Variants in NAALADL2 observed in about 807,000 individuals in gnomAD.
NAALADL2 encodes the protein inactive N-acetylated-alpha-linked acidic dipeptidase-like protein 2.
A neutral mutation model predicts 87.2 loss-of-function variants in NAALADL2; 76 were observed. That is an observed-to-expected ratio of 0.87 (90% CI 0.72 to 1.05). NAALADL2 has a LOEUF of 1.05. NAALADL2 is among the 50% of genes least tolerant of loss of function. The probability of loss-of-function intolerance (pLI) is 0.00; values close to 1 mark genes in which losing one functional copy is unlikely to be tolerated. For synonymous variants in NAALADL2, 354 were observed against 331.0 expected (o/e 1.07, Z -0.75); for missense variants, 1,089 against 945.8 (o/e 1.15, Z -1.99).
At chr3:174,900,384 T>C (rs1732165717) in intron 1 of NAALADL2, among the ~76,000 whole-genome samples, 1 of 152,038 alleles carries the variant, frequency 6.6e-6, no homozygotes, top group African/African-American at 2.4e-5. Context: ...AAACAGCATG[T>C]TTGCCTGTCA....
intron 13 of NAALADL2, among the ~76,000 whole-genome samples, chr3:175,787,344 C>T (rs548614799): frequency 6.6e-6 from 1 of 152,276 alleles, no homozygotes; most frequent in African/African-American, 2.4e-5. Flanking sequence ...TCTCAGACTG[C>T]TGTGCTAGCA....
chr3:174,516,149 A>G (rs185674439), intron 1 of NAALADL2, among the ~76,000 whole-genome samples: 32 of 152,172 alleles, frequency 2.1e-4, no homozygotes, highest in Non-Finnish European at 4.3e-4. Flanking sequence ...GTGGAGTTGT[A>G]AATGTTGTGT....
At chr3:175,186,663 G>A (rs1035591526) in intron 2 of NAALADL2, among the ~76,000 whole-genome samples, 9 of 152,170 alleles carry the variant, frequency 5.9e-5, no homozygotes, top group African/African-American at 2.2e-4. Context: ...GCAGAAAACT[G>A]TCTGGCAAAA....
intron 1 of NAALADL2, among the ~76,000 whole-genome samples, chr3:174,461,599 G>C (rs28515772): frequency 0.46 from 69,989 of 151,794 alleles, 17,677 homozygotes; most frequent in East Asian, 0.88. Flanking sequence ...CTTTCCTTTT[G>C]TCAACATTCG....
At chr3:174,545,746 C>T (rs1386209468) in intron 1 of NAALADL2, among the ~76,000 whole-genome samples, 1 of 151,784 alleles carries the variant, frequency 6.6e-6, no homozygotes, top group African/African-American at 2.4e-5. Context: ...AAATGCTGGC[C>T]ATCCTGTACT....
intron 10 of NAALADL2, among the ~76,000 whole-genome samples, chr3:175,609,985 A>T (rs535781878): frequency 1.3e-3 from 193 of 152,268 alleles, no homozygotes; most frequent in African/African-American, 4.6e-3. Context: ...GTTCTTTTCA[A>T]TGTAAAAAAA....
intron 1 of NAALADL2, among the ~76,000 whole-genome samples, chr3:174,491,746 G>C (rs1269154348): frequency 6.6e-6 from 1 of 152,002 alleles, no homozygotes; most frequent in Non-Finnish European, 1.5e-5. Context: ...AATATTTCAT[G>C]ATTACTTCTC....
chr3:175,636,589 A>T (rs1728580356), intron 11 of NAALADL2, among the ~76,000 whole-genome samples: 2 of 151,336 alleles, frequency 1.3e-5, no homozygotes, highest in Non-Finnish European at 3.0e-5. Flanking sequence ...ATCCCAGTAC[A>T]TGGGAAGCTG....
At chr3:175,728,651 A>G (rs1370903028) in intron 11 of NAALADL2, among the ~76,000 whole-genome samples, 3 of 152,222 alleles carry the variant, frequency 2.0e-5, no homozygotes, top group Non-Finnish European at 2.9e-5. Flanking sequence ...CAGGATGAAC[A>G]TAACAGCCTG....
At chr3:174,523,576 A>T (rs764688746) in intron 1 of NAALADL2, 3 of 152,188 alleles carry the variant, frequency 2.0e-5, no homozygotes, top group Admixed American at 6.5e-5. Context: ...TTAAATTTGA[A>T]AACAGAACCT....
intron 3 of NAALADL2, among the ~76,000 whole-genome samples, chr3:174,834,487 G>T (rs894977446): frequency 7.2e-5 from 11 of 151,910 alleles, no homozygotes; most frequent in Non-Finnish European, 1.3e-4. Context: ...TAAAGGAATA[G>T]AGTTTGAAAA....
intron 13 of NAALADL2, among the ~76,000 whole-genome samples, chr3:175,762,824 G>C (rs149668269): frequency 6.6e-6 from 1 of 152,110 alleles, no homozygotes; most frequent in African/African-American, 2.4e-5. Flanking sequence ...AGTGGCACGC[G>C]TGTAATCCCA....
At chr3:174,660,523 C>G (rs1725405498) in intron 2 of NAALADL2, among the ~76,000 whole-genome samples, 1 of 152,056 alleles carries the variant, frequency 6.6e-6, no homozygotes, top group Non-Finnish European at 1.5e-5. Flanking sequence ...TTGAACCTCA[C>G]TTTTGAAAGA....
At chr3:174,681,099 A>G (rs1273676661) in intron 2 of NAALADL2, among the ~76,000 whole-genome samples, 2 of 152,132 alleles carry the variant, frequency 1.3e-5, no homozygotes, top group African/African-American at 4.8e-5. Flanking sequence ...GCAGAAAGAA[A>G]CACTGGGCAG....
chr3:175,432,033 A>C (rs1717842962), intron 5 of NAALADL2, among the ~76,000 whole-genome samples: 1 of 152,142 alleles, frequency 6.6e-6, no homozygotes, highest in South Asian at 2.1e-4. Flanking sequence ...TGTTGAGAAA[A>C]AAAAATAGCT....
At chr3:175,672,180 A>G (rs1327425023) in intron 11 of NAALADL2, among the ~76,000 whole-genome samples, 1 of 152,132 alleles carries the variant, frequency 6.6e-6, no homozygotes, top group South Asian at 2.1e-4. Context: ...AGAGTTAATC[A>G]TTTTTAGAAA....
At chr3:174,933,800 A>G (rs1186344007) in intron 1 of NAALADL2, among the ~76,000 whole-genome samples, 1 of 152,188 alleles carries the variant, frequency 6.6e-6, no homozygotes, top group Non-Finnish European at 1.5e-5. Context: ...GTTATAAGTA[A>G]AACTAAATTG....
chr3:175,684,739 G>T (rs1456752600), intron 11 of NAALADL2, among the ~76,000 whole-genome samples: 2 of 152,118 alleles, frequency 1.3e-5, no homozygotes, highest in Non-Finnish European at 1.5e-5. Flanking sequence ...GGAGTTTAAG[G>T]CTGCAGTGAG....
intron 5 of NAALADL2, among the ~76,000 whole-genome samples, chr3:175,368,115 A>T (rs556791910): frequency 2.6e-5 from 4 of 152,242 alleles, no homozygotes; most frequent in South Asian, 4.2e-4. Flanking sequence ...TGAGATAATC[A>T]TGTGGTTTTT....
Sources: gnomAD v4.1 joint callset for allele counts (sites outside exome capture counted in the v4.1 genomes callset) on GRCh38, gnomAD v4.1.1 for gene constraint, MANE v1.5 for transcripts, NCBI Gene and HGNC (gene_info 2026-07-23, HGNC 2026-07-21) for gene names.